The following RHEX variants were observed in gnomAD, a reference collection of about 807,000 sequenced individuals.
RHEX encodes regulator of hemoglobinization and erythroid cell expansion protein.
In RHEX, 18 loss-of-function variants were observed where a neutral mutation model predicts 20.1. The ratio of observed to expected loss-of-function variants is 0.90; its 90% CI spans 0.62 to 1.33. The LOEUF (loss-of-function observed/expected upper bound fraction) is 1.33, where lower values mean the gene tolerates loss of function less well. Among genes scored for constraint, RHEX ranks in the 40% most tolerant of loss-of-function variants. The pLI, the probability that RHEX is intolerant of heterozygous loss-of-function variation, is 0.00. For missense variants in RHEX, 192 were observed against 214.3 expected (o/e 0.90, Z 0.65); for synonymous variants, 87 against 77.1 (o/e 1.13, Z -0.67).
At chr1:206,057,271 A>T (rs1343926415) in intron 1 of RHEX, among the ~76,000 whole-genome samples, 2 of 152,402 alleles carry the variant, frequency 1.3e-5, no homozygotes, top group East Asian at 3.8e-4. Flanking sequence ...ATCAATGGCC[A>T]TGGGAAGCCC....
intron 1 of RHEX, among the ~76,000 whole-genome samples, chr1:206,057,414 T>C (rs192543426): frequency 7.2e-5 from 11 of 152,384 alleles, no homozygotes; most frequent in Non-Finnish European, 1.3e-4. Context: ...GATTTACTCA[T>C]CCTGTAGGGC....
chr1:206,078,075 A>G (rs1662668358), intron 1 of RHEX, among the ~76,000 whole-genome samples: 1 of 152,226 alleles, frequency 6.6e-6, no homozygotes, highest in Non-Finnish European at 1.5e-5. Flanking sequence ...GCCTATGTCT[A>G]TAAGGTACAT....
chr1:206,080,969 AT>A (rs1359756429), intron 1 of RHEX, among the ~76,000 whole-genome samples: 1 of 150,228 alleles, frequency 6.7e-6, no homozygotes, highest in African/African-American at 2.5e-5. Context: ...CATCCAGCTA[AT>A]TTTTTTGTAC....
chr1:206,099,033 C>T (rs1663132626), intron 3 of RHEX, among the ~76,000 whole-genome samples: 1 of 152,104 alleles, frequency 6.6e-6, no homozygotes, highest in Non-Finnish European at 1.5e-5. Context: ...GTGAACTCTA[C>T]CTGCAAAGGC....
At chr1:206,064,323 C>T (rs1282232135) in intron 1 of RHEX, among the ~76,000 whole-genome samples, 4 of 141,650 alleles carry the variant, frequency 2.8e-5, no homozygotes, top group Non-Finnish European at 4.6e-5. Flanking sequence ...AACCTCTGCC[C>T]GGCCGCCCCT....
chr1:206,081,360 T>C (rs1402253488), intron 1 of RHEX, among the ~76,000 whole-genome samples: 2 of 152,204 alleles, frequency 1.3e-5, no homozygotes, highest in Admixed American at 6.5e-5. Context: ...AAAGCAGAGT[T>C]GTGGATGACA....
chr1:206,062,654 C>A (rs1016298251), intron 1 of RHEX, among the ~76,000 whole-genome samples: 2 of 152,056 alleles, frequency 1.3e-5, no homozygotes, highest in Non-Finnish European at 1.5e-5. Flanking sequence ...GCTGCAGGTG[C>A]CTGGGAAGTG....
intron 4 of RHEX, among the ~76,000 whole-genome samples, 179 bp downstream of exon 4, chr1:206,099,977 G>A (rs916845894): frequency 2.6e-5 from 4 of 152,160 alleles, no homozygotes; most frequent in African/African-American, 9.7e-5. Flanking sequence ...ATTCTATTTC[G>A]TGGGGAAGAT....
chr1:206,087,926 G>A lies in RHEX; in HGVS notation c.-96-9807G>A, dbSNP rs117871455. The stretch of plus-strand genomic sequence containing the variant: ...CCATTCCACAATGTATACTTATTTC[G>A]AAACATGTTGTACACAATAAATATG... On this transcript the variant is annotated intron_variant, in intron 1 of 5. Transcript: ENST00000331555. Among the ~76,000 whole-genome samples, 1,217 of 152,110 alleles carry A rather than the reference G, an allele frequency of 8.0e-3. 44 individuals are homozygous for A. Among genetic ancestry groups the A allele is most frequent in the Admixed American group, 0.068 (1,046 of 15,272 alleles).
chr1:206,080,551 G>T (rs1480649457), intron 1 of RHEX, among the ~76,000 whole-genome samples: 1 of 152,170 alleles, frequency 6.6e-6, no homozygotes, highest in African/African-American at 2.4e-5. Context: ...TATCGACCTC[G>T]ATCAGAGGTT....
intron 1 of RHEX, among the ~76,000 whole-genome samples, chr1:206,062,787 T>A (rs1662331712): frequency 6.6e-6 from 1 of 152,140 alleles, no homozygotes; most frequent in South Asian, 2.1e-4. Context: ...ACAGCTCCCG[T>A]GGGAACTGTG....
chr1:206,078,740 A>G (rs930788576), intron 1 of RHEX, among the ~76,000 whole-genome samples: 1 of 152,132 alleles, frequency 6.6e-6, no homozygotes, highest in Non-Finnish European at 1.5e-5. Flanking sequence ...TTTAATCAAT[A>G]AAAAGTTTAA....
chr1:206,082,108 C>G (rs187375444), intron 1 of RHEX, among the ~76,000 whole-genome samples: 3 of 152,250 alleles, frequency 2.0e-5, no homozygotes, highest in African/African-American at 7.2e-5. Flanking sequence ...CAAAGGGAAG[C>G]AAACTGCAGC....
intron 1 of RHEX, among the ~76,000 whole-genome samples, chr1:206,073,649 G>A (rs139111683): frequency 3.9e-5 from 6 of 152,080 alleles, no homozygotes; most frequent in African/African-American, 1.4e-4. Context: ...AAAGTATCCC[G>A]CTGTTCCTCC....
intron 1 of RHEX, among the ~76,000 whole-genome samples, chr1:206,068,334 AAGAGG>A (rs1251499748): frequency 6.6e-6 from 1 of 152,216 alleles, no homozygotes; most frequent in Admixed American, 6.5e-5. Context: ...CAAGGGAGAT[AAGAGG>A]AAAGTTTTGA....
chr1:206,080,554 C>T lies in RHEX; in HGVS notation c.-96-17179C>T, dbSNP rs139703373. 8.9e-3 allele frequency among the ~76,000 whole-genome samples: 1,362 copies of T among 152,254 alleles called. 6 individuals are homozygous for T. Among genetic ancestry groups the T allele is most frequent in the Non-Finnish European group, 0.014 (981 of 68,014 alleles). On this transcript the variant is annotated intron_variant, in intron 1 of 5. Coordinates refer to ENST00000331555, the MANE Select transcript of RHEX (RefSeq NM_001007544.4). ...GTGAAAGTGTGTTATCGACCTCGAT[C>T]AGAGGTTCCTTTTCCAGTGGGTGAT...
intron 1 of RHEX, among the ~76,000 whole-genome samples, chr1:206,078,784 TG>T (rs1450164957): frequency 6.6e-6 from 1 of 151,886 alleles, no homozygotes; most frequent in African/African-American, 2.4e-5. Context: ...TAGAGGTGCC[TG>T]GGGGGGCAAG....
In RHEX at chr1:206,098,206, C is replaced by T. The variant is rs1383906855; in HGVS notation, c.112+25C>T. ...GGTAACTGGCTCAGCATCCTCTTCCCTCCTAGTCACTCTCAGAGACCATTC... is the reference window on the plus strand; with the variant it reads ...GGTAACTGGCTCAGCATCCTCTTCCTTCCTAGTCACTCTCAGAGACCATTC... On this transcript the variant is annotated intron_variant, in intron 3 of 5. Coordinates refer to ENST00000331555, the MANE Select transcript of RHEX (RefSeq NM_001007544.4). 4.7e-6 allele frequency: 7 copies of T among 1,477,278 alleles called. No homozygotes were observed. In the African/African-American group the frequency reaches 9.7e-5, roughly 20 times the overall value. 91.5% of individuals were successfully genotyped at this position (1,477,278 alleles called of 1,614,324 possible).
chr1:206,062,094 C>T (rs1372178283), intron 1 of RHEX: 2 of 152,298 alleles, frequency 1.3e-5, no homozygotes, highest in Non-Finnish European at 2.9e-5. Flanking sequence ...CCTGTAATCC[C>T]AGCTACTTGG....
Sources: gnomAD v4.1 joint callset for allele counts (sites outside exome capture counted in the v4.1 genomes callset) on GRCh38, gnomAD v4.1.1 for gene constraint, MANE v1.5 for transcripts, NCBI Gene and HGNC (gene_info 2026-07-23, HGNC 2026-07-21) for gene names.